The following WBP4 variants were observed in gnomAD, a reference collection of about 807,000 sequenced individuals.
WBP4 encodes the protein WW domain-binding protein 4.
A neutral mutation model predicts 55.4 loss-of-function variants in WBP4; 37 were observed. The ratio of observed to expected loss-of-function variants is 0.67; its 90% confidence interval spans 0.51 to 0.88. The LOEUF is 0.88. WBP4 is among the 40% of genes least tolerant of loss of function. The pLI is 0.00. For missense variants in WBP4, 398 were observed against 420.8 expected (o/e 0.95, Z 0.47); for synonymous variants, 142 against 140.2 (o/e 1.01, Z -0.09).
Position 41,070,989 on chromosome 13 carries a change from T to C in WBP4, c.440-538T>C, listed in dbSNP as rs529698617. 2.8e-4 allele frequency among the ~76,000 whole-genome samples: 42 copies of C among 152,332 alleles called. 1 individual carries two copies. The highest frequency in any genetic ancestry group is 7.2e-4 in the Admixed American group (11 of 15,298). On this transcript the variant is annotated intron_variant, in intron 5 of 9. Transcript: ENST00000379487. ...ATATTGTAGTTTAGCAATGAAGATA[T>C]CATAAATGATTATGTACTAGCAATT... is the stretch of plus-strand genomic sequence containing the variant.
In WBP4 at chr13:41,082,893, G is replaced by A. The variant is rs543568125; in HGVS notation, c.1110G>A (p.Arg370=). The change falls in exon 10 of 10, where the codon AGG becomes AGA. Residue 370 remains arginine, a synonymous_variant. Transcript: ENST00000379487. ...RTENGKSRNL[R]QRGDDQ ...AAAATGGAAAATCTAGAAATTTAAG[G>A]CAACGAGGTGATGATCAATAGTTGC... is the stretch of plus-strand genomic sequence containing the variant. The A allele has an allele frequency of 1.9e-6, 3 of 1,614,018 alleles. No individual in the cohort carries two copies. Among genetic ancestry groups the A allele is most frequent in the African/African-American group, 1.3e-5 (1 of 75,034 alleles).
intron 7 of WBP4, among the ~76,000 whole-genome samples, chr13:41,074,278 T>C (rs1878381319): frequency 6.6e-6 from 1 of 152,214 alleles, no homozygotes; most frequent in Non-Finnish European, 1.5e-5. Context: ...TCATAAACAG[T>C]TGAATTTATC....
intron 8 of WBP4, among the ~76,000 whole-genome samples, chr13:41,080,011 T>C (rs1878695327): frequency 8.3e-6 from 1 of 120,618 alleles, no homozygotes; most frequent in South Asian, 2.8e-4. Flanking sequence ...AGCTAAACAG[T>C]GGGCACACAT....
chr13:41,066,630 C>G (rs960384785), intron 4 of WBP4, among the ~76,000 whole-genome samples: 1 of 152,110 alleles, frequency 6.6e-6, no homozygotes, highest in Non-Finnish European at 1.5e-5. Context: ...GTATAAATTG[C>G]TTATTACGTG....
intron 3 of WBP4, 31 bp downstream of exon 3, chr13:41,065,109 C>G: frequency 6.3e-7 from 1 of 1,599,266 alleles, no homozygotes; most frequent in Non-Finnish European, 8.5e-7. Flanking sequence ...GCTAATTTTT[C>G]TATGCAAATG....
intron 5 of WBP4, 145 bp from the exon 6 acceptor site, chr13:41,071,382 A>G (rs1211524077): frequency 7.9e-6 from 5 of 631,072 alleles, no homozygotes; most frequent in Admixed American, 2.9e-5. Context: ...ACTGGGATGT[A>G]TGTTCTGTTT....
intron 5 of WBP4, 45 bp from the exon 6 acceptor site, chr13:41,071,482 T>C (rs1381333777): frequency 6.4e-7 from 1 of 1,559,852 alleles, no homozygotes; most frequent in African/African-American, 1.4e-5. Flanking sequence ...AAAGTATTTT[T>C]TTAAAGCAAA....
At chr13:41,062,106 T>G (rs1416956048) in intron 1 of WBP4, 81 of 955,934 alleles carry the variant, frequency 8.5e-5, no homozygotes, top group African/African-American at 6.7e-4. Flanking sequence ...GTTTTTTTTT[T>G]TTTTTTTTTT....
chr13:41,065,332 T>TA (rs1275966128), intron 4 of WBP4, 45 bp downstream of exon 4: 7 of 1,520,564 alleles, frequency 4.6e-6, no homozygotes, highest in Non-Finnish European at 6.1e-6. Context: ...GTTTTAAAAG[T>TA]AACATCAGAG....
At chr13:41,081,349 C>A (rs1313318382) in intron 9 of WBP4, among the ~76,000 whole-genome samples, 5 of 150,664 alleles carry the variant, frequency 3.3e-5, no homozygotes, top group Non-Finnish European at 7.4e-5. Context: ...AAAAAAAAAA[C>A]TTAGCAGGGA....
At chr13:41,082,658 T>G in intron 9 of WBP4, 46 bp from the exon 10 acceptor site, 1 of 1,577,200 alleles carries the variant, frequency 6.3e-7, no homozygotes, top group Non-Finnish European at 8.7e-7. Context: ...ATGAAAACGT[T>G]TGTCTTACCC....
In WBP4 at chr13:41,080,163, A is replaced by G. The variant is rs114048294; in HGVS notation, c.757-483A>G. On this transcript the variant is annotated intron_variant, in intron 8 of 9. Transcript: ENST00000379487. ...AAAAGCCCGTACTTCACCATGACAT[A>G]ATATATACATGTAAGAAATACGCAT... is the stretch of plus-strand genomic sequence containing the variant. Among the ~76,000 whole-genome samples, 382 of 152,346 alleles carry G rather than the reference A, an allele frequency of 2.5e-3. 2 individuals carry two copies. Among genetic ancestry groups the G allele is most frequent in the African/African-American group, 8.6e-3 (357 of 41,568 alleles).
chr13:41,063,264 A>G (rs1430610285), intron 2 of WBP4, among the ~76,000 whole-genome samples: 1 of 152,192 alleles, frequency 6.6e-6, no homozygotes, highest in Non-Finnish European at 1.5e-5. Flanking sequence ...CAAAAAGCAC[A>G]CCGCTGATTT....
chr13:41,071,610 C>A (rs1461307363), intron 6 of WBP4, 37 bp downstream of exon 6: 1 of 1,546,056 alleles, frequency 6.5e-7, no homozygotes, highest in Non-Finnish European at 8.8e-7. Flanking sequence ...TTGTTTTATT[C>A]TTTACAGTGA....
At position 41,062,673 on chromosome 13, in the gene WBP4, A is replaced by C; in HGVS notation, c.32A>C (p.Lys11Thr). Reference protein sequence around the residue: MADYWKSQPKKFCDYCKCWIA... With the variant: MADYWKSQPKTFCDYCKCWIA... ...GACTACTGGAAGTCACAGCCAAAGA[A>C]ATTCTGTGATTACTGCAAGTGCTGG... Residue 11 changes from lysine (K) to threonine (T), a missense_variant, in exon 2 of 10, where the codon AAA becomes ACA. Transcript: ENST00000379487. 1 of 1,613,842 alleles carries C rather than the reference A, an allele frequency of 6.2e-7. No homozygotes were observed. The highest frequency in any genetic ancestry group is 8.5e-7 in the Non-Finnish European group (1 of 1,179,820).
intron 4 of WBP4, among the ~76,000 whole-genome samples, chr13:41,065,650 C>G (rs1208723248): frequency 6.6e-6 from 1 of 152,132 alleles, no homozygotes; most frequent in Non-Finnish European, 1.5e-5. Context: ...ATTATAATTG[C>G]AATTCACTGT....
chr13:41,071,446 CTG>C (rs1878241913), intron 5 of WBP4, 79 bp from the exon 6 acceptor site: 3 of 1,146,516 alleles, frequency 2.6e-6, no homozygotes, highest in Admixed American at 2.1e-5. Context: ...TACATAATGA[CTG>C]TAAATTTTGT....
chr13:41,083,772 T>C lies in WBP4; in HGVS notation c.*858T>C, dbSNP rs1878890415. ...AAGGTCTCCAGCTTCAGTAAAAGTT[T>C]TTAGTGTTTACTTAAATTAGTAATT... is the stretch of plus-strand genomic sequence containing the variant. On this transcript the variant is annotated 3_prime_UTR_variant, in exon 10 of 10. Transcript: ENST00000379487. 6.6e-6 allele frequency: 1 copy of C among 152,196 alleles called. No individual in the cohort carries two copies. 9.4% of individuals were successfully genotyped at this position (152,196 alleles called of 1,614,324 possible). A position where few individuals can be genotyped will look rare whatever the true frequency, so the allele number is the denominator to read the frequency against.
chr13:41,080,387 G>A lies in WBP4; in HGVS notation c.757-259G>A, dbSNP rs376778212. ...AGAAGAGAGAAGTTAAGAGAGCCCT[G>A]TTTATATGTCCTTAATTGTAGAACT... is the stretch of plus-strand genomic sequence containing the variant. On this transcript the variant is annotated intron_variant, in intron 8 of 9. Transcript: ENST00000379487. 2.1e-3 allele frequency among the ~76,000 whole-genome samples: 325 copies of A among 152,230 alleles called. 1 individual carries two copies. Among genetic ancestry groups the A allele is most frequent in the African/African-American group, 7.5e-3 (312 of 41,528 alleles).
Sources: allele counts gnomAD v4.1 joint callset (sites outside exome capture counted in the v4.1 genomes callset), GRCh38; gene constraint gnomAD v4.1.1; transcripts MANE v1.5; gene names NCBI Gene and HGNC (gene_info 2026-07-23, HGNC 2026-07-21).